Variants in FYN observed in about 807,000 individuals in gnomAD.
The protein encoded by FYN is FYN proto-oncogene, Src family tyrosine kinase, also known as tyrosine-protein kinase Fyn.
In FYN, 10 loss-of-function variants were observed where a neutral mutation model predicts 70.2. The observed-to-expected ratio is 0.14, with a 90% CI of 0.09 to 0.24. FYN has a LOEUF of 0.24. FYN is among the 10% of genes least tolerant of loss of function. The probability of loss-of-function intolerance (pLI) is 1.00; values close to 1 mark genes in which losing one functional copy is unlikely to be tolerated. For missense variants in FYN, 319 were observed against 673.1 expected (o/e 0.47, Z 5.82); for synonymous variants, 236 against 248.6 (o/e 0.95, Z 0.48).
chr6:111,666,338 G>A (rs539155180), intron 13 of FYN, among the ~76,000 whole-genome samples: 3 of 152,102 alleles, frequency 2.0e-5, no homozygotes, highest in South Asian at 4.1e-4. Context: ...AGCCACGTTC[G>A]AGCAGTATGA....
At chr6:111,760,797 G>C (rs560981396) in intron 3 of FYN, among the ~76,000 whole-genome samples, 1 of 152,300 alleles carries the variant, frequency 6.6e-6, no homozygotes, top group East Asian at 1.9e-4. Context: ...ATAGTTTTTA[G>C]AAATGCCAAC....
At chr6:111,802,467 C>G in intron 2 of FYN, among the ~76,000 whole-genome samples, 1 of 151,638 alleles carries the variant, frequency 6.6e-6, no homozygotes, top group Non-Finnish European at 1.5e-5. Flanking sequence ...GAGTCTCGCT[C>G]TATTGCCCAG....
At chr6:111,701,801 T>C (rs1210251771) in intron 8 of FYN, among the ~76,000 whole-genome samples, 1 of 152,226 alleles carries the variant, frequency 6.6e-6, no homozygotes, top group Non-Finnish European at 1.5e-5. Context: ...TTCTCCCAAA[T>C]GTTTCATTAG....
chr6:111,781,600 G>A (rs1175022967), intron 2 of FYN, among the ~76,000 whole-genome samples: 1 of 152,180 alleles, frequency 6.6e-6, no homozygotes, highest in African/African-American at 2.4e-5. Context: ...ATCAAATGCT[G>A]TAACGCCCAG....
chr6:111,688,915 A>T (rs138623995), intron 12 of FYN, among the ~76,000 whole-genome samples: 1 of 152,286 alleles, frequency 6.6e-6, no homozygotes, highest in African/African-American at 2.4e-5. Flanking sequence ...GACTGCCCAG[A>T]TCCACTGACT....
chr6:111,829,045 C>A (rs1168415854), intron 2 of FYN, among the ~76,000 whole-genome samples: 1 of 152,240 alleles, frequency 6.6e-6, no homozygotes, highest in East Asian at 1.9e-4. Context: ...CCACAGAATC[C>A]ATTTTCCACA....
chr6:111,708,024 TA>T lies in FYN; in HGVS notation c.345-5del, dbSNP rs1360477783. 7 of 1,608,788 alleles carry T rather than the reference TA, an allele frequency of 4.4e-6. No individual in the cohort carries two copies. Among genetic ancestry groups the T allele is most frequent in the Non-Finnish European group, 6.0e-6 (7 of 1,175,298 alleles). On this transcript the variant is annotated splice_polypyrimidine_tract_variant and splice_region_variant and intron_variant, in intron 5 of 13. Coordinates refer to ENST00000354650, the MANE Select transcript of FYN (RefSeq NM_002037.5). ...GGCTTCCCACCAATCTCCTTCCCTG[TA>T]AATAAAAAAGAAAAGTAAATATGTT...
rs529383451 is a variant in FYN, at chr6:111,805,001, ACC to A, written c.-81-24368_-81-24367del. Among the ~76,000 whole-genome samples, 50 of 151,632 alleles carry A rather than the reference ACC, an allele frequency of 3.3e-4. No homozygotes were observed. In the South Asian group the frequency reaches 0.01, roughly 32 times the overall value. On this transcript the variant is annotated intron_variant, in intron 2 of 13. Transcript: ENST00000354650. ...TGCCTTAAACCTAACCCAGGGGTTAACCTCCAGGAGTCCTTTTCAGCCTGCTT... is the reference window on the plus strand; with the variant it reads ...TGCCTTAAACCTAACCCAGGGGTTAATCCAGGAGTCCTTTTCAGCCTGCTT...
chr6:111,857,342 T>G (rs1298601901), intron 1 of FYN, among the ~76,000 whole-genome samples: 1 of 152,156 alleles, frequency 6.6e-6, no homozygotes, highest in Non-Finnish European at 1.5e-5. Flanking sequence ...ACTGAGGTCC[T>G]TCTCAGGGAA....
chr6:111,829,178 C>T (rs1247971738), intron 2 of FYN, among the ~76,000 whole-genome samples: 1 of 152,160 alleles, frequency 6.6e-6, no homozygotes, highest in Non-Finnish European at 1.5e-5. Context: ...GATTCCAGAG[C>T]CTGAAGTCAG....
chr6:111,713,748 C>T (rs1256003365), intron 5 of FYN, among the ~76,000 whole-genome samples: 2 of 152,142 alleles, frequency 1.3e-5, no homozygotes, highest in African/African-American at 4.8e-5. Context: ...AACTGTTGTT[C>T]CTCCTGGCCA....
At chr6:111,717,710 C>T (rs1242289551) in intron 4 of FYN, among the ~76,000 whole-genome samples, 1 of 152,166 alleles carries the variant, frequency 6.6e-6, no homozygotes, top group Non-Finnish European at 1.5e-5. Flanking sequence ...GTGATCCACC[C>T]ACCTCAGCCT....
intron 2 of FYN, among the ~76,000 whole-genome samples, chr6:111,786,944 C>A (rs1020502885): frequency 2.6e-5 from 4 of 152,136 alleles, no homozygotes; most frequent in African/African-American, 9.7e-5. Context: ...TATTTGAGTT[C>A]TTTGTAGATT....
intron 2 of FYN, among the ~76,000 whole-genome samples, chr6:111,823,227 C>T (rs1772728332): frequency 6.6e-6 from 1 of 152,222 alleles, no homozygotes; most frequent in African/African-American, 2.4e-5. Flanking sequence ...CCACAGGGAA[C>T]CGAACGGAGG....
intron 7 of FYN, among the ~76,000 whole-genome samples, chr6:111,703,788 G>C (rs1288096083): frequency 6.6e-6 from 1 of 152,202 alleles, no homozygotes; most frequent in African/African-American, 2.4e-5. Flanking sequence ...CGTTTCAGGA[G>C]GAAGGTCTTG....
At chr6:111,702,745 C>A in intron 8 of FYN, 140 bp downstream of exon 8, 3 of 713,074 alleles carry the variant, frequency 4.2e-6, no homozygotes, top group Non-Finnish European at 6.8e-6. Flanking sequence ...CCAAGCCCTA[C>A]CATTAAGGGC....
At chr6:111,850,421 CCAATGAT>C (rs1381188876) in intron 1 of FYN, among the ~76,000 whole-genome samples, 5 of 152,240 alleles carry the variant, frequency 3.3e-5, no homozygotes, top group Non-Finnish European at 5.9e-5. Flanking sequence ...TCTTTCTGCA[CCAATGAT>C]CATAGCTCTA....
Position 111,661,823 on chromosome 6 carries a change from G to T in FYN, c.1530C>A (p.Arg510=). 6.2e-7 allele frequency: 1 copy of T among 1,614,186 alleles called. No homozygotes were observed. Among genetic ancestry groups the T allele is most frequent in the Non-Finnish European group, 8.5e-7 (1 of 1,180,032 alleles). ...AGCTCTGCAAGTACTCAAAAGTGGG[G>T]CGTTCTTCAGGGTCCTTTTTCCAGC... ...IHCWKKDPEE[R]PTFEYLQSFL... The change falls in exon 14 of 14, where the codon CGC becomes CGA. Residue 510 remains arginine, a synonymous_variant. Transcript: ENST00000354650. This position sits in a 1 kb window ranked among gnomAD's most constrained non-coding sequence, Gnocchi z 4.0.
intron 3 of FYN, among the ~76,000 whole-genome samples, chr6:111,748,481 T>G (rs1329196635): frequency 6.6e-6 from 1 of 152,226 alleles, no homozygotes; most frequent in South Asian, 2.1e-4. Context: ...TCAGGAGACA[T>G]GCATGGCGTA....
Sources: allele counts gnomAD v4.1 joint callset (sites outside exome capture counted in the v4.1 genomes callset), GRCh38; gene constraint gnomAD v4.1.1; non-coding constraint Gnocchi (gnomAD v3.1); transcripts MANE v1.5; gene names NCBI Gene and HGNC (gene_info 2026-07-23, HGNC 2026-07-21).